Variants in PARVB observed in about 807,000 individuals in gnomAD.
PARVB encodes the protein parvin beta.
Under a neutral mutation model 47.0 loss-of-function variants are expected in PARVB, and 46 were observed. That is an observed-to-expected ratio of 0.98 (90% CI 0.77 to 1.25). The LOEUF (loss-of-function observed/expected upper bound fraction) is 1.25, where lower values mean the gene tolerates loss of function less well. Ranked by LOEUF, PARVB falls within the 50% of genes most tolerant of loss-of-function variation. PARVB has a pLI of 0.00. For missense variants in PARVB, 473 were observed against 471.6 expected, an observed-to-expected ratio of 1.00 and a Z score of -0.03; for synonymous variants, 196 against 196.3, an observed-to-expected ratio of 1.00 and a Z score of 0.01.
chr22:44,117,218 C>T (rs914332352), intron 3 of PARVB, among the ~76,000 whole-genome samples: 2 of 152,078 alleles, frequency 1.3e-5, no homozygotes, highest in Admixed American at 1.3e-4. Context: ...TGCAGGAGGG[C>T]AGAAACCGGC....
At chr22:44,025,683 G>T (rs2267592) in intron 1 of PARVB, among the ~76,000 whole-genome samples, 98,110 of 151,978 alleles carry the variant, frequency 0.65, 33,184 homozygotes, top group African/African-American at 0.85. Context: ...GGTCGGTGTT[G>T]GTCACGTCTC....
At chr22:44,137,435 C>T (rs2053461571) in intron 7 of PARVB, among the ~76,000 whole-genome samples, 1 of 152,216 alleles carries the variant, frequency 6.6e-6, no homozygotes, top group African/African-American at 2.4e-5. Flanking sequence ...GCCTATTCAG[C>T]AGTAGGAGAA....
intron 1 of PARVB, among the ~76,000 whole-genome samples, chr22:44,064,345 G>A (rs902177119): frequency 6.6e-5 from 10 of 152,212 alleles, no homozygotes; most frequent in Admixed American, 6.5e-4. Context: ...CCCAGGTGGA[G>A]GCAATGTTAG....
At chr22:44,096,761 C>T (rs2147055207) in intron 2 of PARVB, among the ~76,000 whole-genome samples, 1 of 152,266 alleles carries the variant, frequency 6.6e-6, no homozygotes, top group Middle Eastern at 3.4e-3. Flanking sequence ...TAGGACAGGT[C>T]CCTGTCCTTG....
chr22:44,060,009 T>C (rs1044527274), intron 1 of PARVB, among the ~76,000 whole-genome samples: 2 of 152,028 alleles, frequency 1.3e-5, no homozygotes, highest in Admixed American at 6.6e-5. Flanking sequence ...AAGGTGGCCT[T>C]TTGTATTAGA....
chr22:44,159,084 C>T (rs2053997305), intron 11 of PARVB, among the ~76,000 whole-genome samples: 3 of 152,052 alleles, frequency 2.0e-5, no homozygotes, highest in Admixed American at 6.6e-5. Context: ...AGCGAGCGAG[C>T]GAGCAAGAGG....
intron 1 of PARVB, among the ~76,000 whole-genome samples, chr22:44,028,631 G>A (rs1386349496): frequency 2.6e-5 from 4 of 152,228 alleles, no homozygotes; most frequent in Non-Finnish European, 5.9e-5. Context: ...AGGTTTTTGT[G>A]TGGAGATAAG....
intron 2 of PARVB, among the ~76,000 whole-genome samples, chr22:44,019,046 AG>A (rs1422118736): frequency 2.6e-5 from 4 of 151,214 alleles, no homozygotes; most frequent in Non-Finnish European, 5.9e-5. Flanking sequence ...CCTCCCCAGT[AG>A]CTGGGATTAT....
At chr22:44,166,485 G>A (rs146533967) in intron 12 of PARVB, among the ~76,000 whole-genome samples, 1 of 152,128 alleles carries the variant, frequency 6.6e-6, no homozygotes, top group African/African-American at 2.4e-5. Flanking sequence ...CGGCCTCCTA[G>A]GAGGGTGTTT....
chr22:44,014,369 C>A (rs1044497345), intron 2 of PARVB, among the ~76,000 whole-genome samples: 24 of 152,184 alleles, frequency 1.6e-4, no homozygotes, highest in African/African-American at 5.8e-4. Context: ...TCAGAAGCCA[C>A]AGTTCAAAAG....
At chr22:44,091,092 T>C (rs976433788) in intron 1 of PARVB, among the ~76,000 whole-genome samples, 1 of 152,090 alleles carries the variant, frequency 6.6e-6, no homozygotes, top group Non-Finnish European at 1.5e-5. Context: ...TCTGTATCAT[T>C]TCCCTGTGAA....
At position 44,089,159 on chromosome 22, in the gene PARVB, G is replaced by A. The variant is rs1301980044; in HGVS notation, c.113-4769G>A. On this transcript the variant is annotated intron_variant, in intron 1 of 12. Transcript: ENST00000338758. The surrounding 1 kb of genome is among the most constrained non-coding windows in gnomAD (Gnocchi z 4.0). Reference sequence around the variant, plus strand: ...CCTCCTGTCTCTCTCTTCCTACCTGGCCCCCCGTGCAGGCCACAGAGCGTG... The same window carrying A: ...CCTCCTGTCTCTCTCTTCCTACCTGACCCCCCGTGCAGGCCACAGAGCGTG... Among the ~76,000 whole-genome samples the A allele has an allele frequency of 6.6e-6, 1 of 152,096 alleles. No individual in the cohort carries two copies. The highest frequency in any genetic ancestry group is 1.5e-5 in the Non-Finnish European group (1 of 68,018).
chr22:44,068,581 G>T lies in PARVB; in HGVS notation c.113-25347G>T, dbSNP rs1324870415. ...TGATTTCTGTTGTCGTGGAAACGGG[G>T]TGGCAAGTGTTCCATGTGTTAGCAT... On this transcript the variant is annotated intron_variant, in intron 1 of 12. Coordinates refer to ENST00000338758, the MANE Select transcript of PARVB (RefSeq NM_013327.5). The surrounding 1 kb of genome is among the most constrained non-coding windows in gnomAD (Gnocchi z 4.1). Among the ~76,000 whole-genome samples, 1 of 152,208 alleles carries T rather than the reference G, an allele frequency of 6.6e-6. No individual in the cohort carries two copies. Among genetic ancestry groups the T allele is most frequent in the Non-Finnish European group, 1.5e-5 (1 of 68,024 alleles).
chr22:44,153,420 C>T (rs1298018770), intron 10 of PARVB: 1 of 152,132 alleles, frequency 6.6e-6, no homozygotes, highest in Non-Finnish European at 1.5e-5. Context: ...CCTCCACCTC[C>T]TGGGTTCAAG....
At chr22:44,164,753 TA>T (rs2054129997) in intron 12 of PARVB, among the ~76,000 whole-genome samples, 1 of 152,178 alleles carries the variant, frequency 6.6e-6, no homozygotes, top group Admixed American at 6.5e-5. Context: ...CATGGTGCTA[TA>T]TGAGTTGGGA....
chr22:44,059,571 A>T (rs1399536585), intron 1 of PARVB, among the ~76,000 whole-genome samples: 2 of 152,144 alleles, frequency 1.3e-5, no homozygotes, highest in Admixed American at 1.3e-4. Flanking sequence ...TTTTGCATAA[A>T]TGCTACTCTC....
intron 1 of PARVB, among the ~76,000 whole-genome samples, chr22:44,037,575 T>C (rs2050943720): frequency 6.6e-6 from 1 of 152,200 alleles, no homozygotes; most frequent in Admixed American, 6.5e-5. Context: ...AAGTCGGTGT[T>C]ATGTGGTTAT....
upstream of PARVB, among the ~76,000 whole-genome samples, chr22:44,022,900 C>T (rs1481680399): frequency 2.0e-5 from 3 of 152,020 alleles, no homozygotes; most frequent in Non-Finnish European, 4.4e-5. Flanking sequence ...GCATCCACCA[C>T]CATGCCCCGA....
intron 1 of PARVB, among the ~76,000 whole-genome samples, chr22:44,087,649 C>CT (rs1301464266): frequency 1.3e-5 from 2 of 151,746 alleles, no homozygotes; most frequent in Non-Finnish European, 2.9e-5. Flanking sequence ...CCTGAAAATC[C>CT]TTTTTTGGGA....
Sources: allele counts gnomAD v4.1 joint callset (sites outside exome capture counted in the v4.1 genomes callset), GRCh38; gene constraint gnomAD v4.1.1; non-coding constraint Gnocchi (gnomAD v3.1); transcripts MANE v1.5; gene names NCBI Gene and HGNC (gene_info 2026-07-23, HGNC 2026-07-21).